Variants in ELF2 observed in about 807,000 individuals in gnomAD.
The protein encoded by ELF2 is ETS-related transcription factor Elf-2.
A neutral mutation model predicts 54.8 loss-of-function variants in ELF2; 11 were observed. That is an observed-to-expected ratio of 0.20 (90% confidence interval 0.13 to 0.33). The LOEUF is 0.33. Among genes scored for constraint, ELF2 ranks in the 10% least tolerant of loss-of-function variants. The pLI is 1.00. For synonymous variants in ELF2, 203 were observed against 245.1 expected, an observed-to-expected ratio of 0.83 and a Z score of 1.61; for missense variants, 513 against 703.0, an observed-to-expected ratio of 0.73 and a Z score of 3.06.
intron 1 of ELF2, among the ~76,000 whole-genome samples, chr4:139,159,658 G>A (rs1740900709): frequency 6.6e-6 from 1 of 152,174 alleles, no homozygotes; most frequent in African/African-American, 2.4e-5. Flanking sequence ...CTGAAATGAT[G>A]GGATCTGATG....
At chr4:139,071,565 G>A (rs1213815529) in intron 6 of ELF2, among the ~76,000 whole-genome samples, 1 of 151,968 alleles carries the variant, frequency 6.6e-6, no homozygotes, top group Non-Finnish European at 1.5e-5. Flanking sequence ...GGATCAACAA[G>A]GAGAAGATGG....
chr4:139,131,072 C>T (rs1041663447), intron 3 of ELF2, among the ~76,000 whole-genome samples: 2 of 152,168 alleles, frequency 1.3e-5, no homozygotes, highest in Non-Finnish European at 2.9e-5. Flanking sequence ...CTTAGCATTA[C>T]TTTGCTCAAG....
chr4:139,101,654 G>T (rs1347563668), intron 4 of ELF2: 1 of 152,174 alleles, frequency 6.6e-6, no homozygotes, highest in African/African-American at 2.4e-5. Context: ...TACAATACTT[G>T]ACTCCTTTTG....
intron 4 of ELF2, among the ~76,000 whole-genome samples, chr4:139,094,897 T>C (rs1295184999): frequency 4.6e-5 from 7 of 152,164 alleles, no homozygotes; most frequent in Non-Finnish European, 1.0e-4. Context: ...TTTTTACTAT[T>C]ATCAATGGGA....
intron 5 of ELF2, chr4:139,072,251 G>T: frequency 2.0e-6 from 1 of 492,210 alleles, no homozygotes; most frequent in Non-Finnish European, 3.5e-6. Flanking sequence ...AAGGAAAAAT[G>T]TTAATCCTCT....
intron 4 of ELF2, among the ~76,000 whole-genome samples, chr4:139,106,497 C>G (rs540084262): frequency 6.6e-6 from 1 of 151,848 alleles, no homozygotes; most frequent in Non-Finnish European, 1.5e-5. Flanking sequence ...AAGCACAAAC[C>G]ACAGTTGTTT....
At chr4:139,122,526 G>C (rs965276515) in intron 4 of ELF2, among the ~76,000 whole-genome samples, 2 of 151,842 alleles carry the variant, frequency 1.3e-5, no homozygotes, top group Non-Finnish European at 2.9e-5. Context: ...GTTTGAGACA[G>C]AGTCTCGCTA....
intron 4 of ELF2, chr4:139,084,436 A>AGGG: frequency 9.2e-7 from 1 of 1,091,486 alleles, no homozygotes; most frequent in Non-Finnish European, 1.1e-6. Flanking sequence ...CGGCAGGGGC[A>AGGG]GGGGCGGCGG....
chr4:139,098,923 C>A (rs1232316536), intron 4 of ELF2, among the ~76,000 whole-genome samples: 1 of 152,130 alleles, frequency 6.6e-6, no homozygotes, highest in Non-Finnish European at 1.5e-5. Context: ...TTTGTACTTA[C>A]TTCTACTATC....
At chr4:139,123,643 T>C (rs1307315914) in intron 4 of ELF2, among the ~76,000 whole-genome samples, 1 of 152,226 alleles carries the variant, frequency 6.6e-6, no homozygotes, top group Non-Finnish European at 1.5e-5. Flanking sequence ...TTTGGTGCTA[T>C]AGTTTTTATC....
chr4:139,135,279 G>GTGTGTATA (rs373283677), intron 3 of ELF2, among the ~76,000 whole-genome samples: 3 of 136,576 alleles, frequency 2.2e-5, no homozygotes, highest in East Asian at 4.4e-4. Context: ...GTGTGTGTGT[G>GTGTGTATA]TATATATGAA....
intron 4 of ELF2, among the ~76,000 whole-genome samples, chr4:139,086,752 G>A (rs1344378408): frequency 6.6e-6 from 1 of 152,004 alleles, no homozygotes; most frequent in Non-Finnish European, 1.5e-5. Flanking sequence ...TGATACACAA[G>A]ACTGCTTATA....
intron 4 of ELF2, among the ~76,000 whole-genome samples, chr4:139,098,629 C>T (rs764592266): frequency 3.9e-5 from 6 of 152,068 alleles, no homozygotes; most frequent in Non-Finnish European, 5.9e-5. Context: ...CCACCGCGCC[C>T]GGCTAATTTT....
chr4:139,117,705 A>C (rs958548682), intron 4 of ELF2: 1 of 152,786 alleles, frequency 6.5e-6, no homozygotes, highest in Non-Finnish European at 1.5e-5. Context: ...TAATCCCAGC[A>C]CTTTGGGAGG....
intron 7 of ELF2, among the ~76,000 whole-genome samples, chr4:139,063,774 T>C (rs975669988): frequency 2.6e-5 from 4 of 151,616 alleles, no homozygotes; most frequent in African/African-American, 9.7e-5. Context: ...AGAGTGAAAA[T>C]AAAGTGGACT....
chr4:139,146,731 C>T (rs553271493), intron 1 of ELF2, among the ~76,000 whole-genome samples: 1 of 152,240 alleles, frequency 6.6e-6, no homozygotes, highest in African/African-American at 2.4e-5. Context: ...ATATCCACAA[C>T]CAACTCTCTT....
chr4:139,095,499 A>G (rs1279424101), intron 4 of ELF2, among the ~76,000 whole-genome samples: 1 of 152,040 alleles, frequency 6.6e-6, no homozygotes, highest in Non-Finnish European at 1.5e-5. Flanking sequence ...TAGATTTTTA[A>G]TATATACTCT....
chr4:139,109,836 A>G (rs1022545001), intron 4 of ELF2, among the ~76,000 whole-genome samples: 9 of 152,144 alleles, frequency 5.9e-5, no homozygotes, highest in Admixed American at 3.9e-4. Flanking sequence ...GGAGGAACAG[A>G]GGGAGGGAGA....
chr4:139,107,108 T>C (rs891365247), intron 4 of ELF2, among the ~76,000 whole-genome samples: 1 of 152,172 alleles, frequency 6.6e-6, no homozygotes, highest in Admixed American at 6.5e-5. Flanking sequence ...CTTTATATTT[T>C]AAAACAATGC....
Sources: allele counts gnomAD v4.1 joint callset (sites outside exome capture counted in the v4.1 genomes callset), GRCh38; gene constraint gnomAD v4.1.1; transcripts MANE v1.5; gene names NCBI Gene and HGNC (gene_info 2026-07-23, HGNC 2026-07-21).